Variants in XKRX observed in about 807,000 individuals in gnomAD.
XKRX encodes the protein XK related X-linked.
In XKRX, 11 loss-of-function variants were observed where a neutral mutation model predicts 22.4. The observed-to-expected ratio is 0.49, with a 90% CI of 0.31 to 0.81. The LOEUF (loss-of-function observed/expected upper bound fraction) is 0.81. Among genes scored for constraint, XKRX ranks in the 40% least tolerant of loss-of-function variants. XKRX has a pLI of 0.05. For synonymous variants in XKRX, 114 were observed against 132.2 expected, an observed-to-expected ratio of 0.86 and a Z score of 0.94; for missense variants, 320 against 336.5, an observed-to-expected ratio of 0.95 and a Z score of 0.38.
chrX:100,888,209 T>A, the XKRX span: 191 of 1,001,419 alleles, frequency 1.9e-4, no homozygotes, highest in Non-Finnish European at 2.4e-4. Context: ...CATTTTTCCA[T>A]GCTGTTCAAA....
the XKRX span, among the ~76,000 whole-genome samples, chrX:100,950,825 T>TA: frequency 8.9e-6 from 1 of 112,017 alleles, no homozygotes; most frequent in Non-Finnish European, 1.9e-5. Context: ...AAGGGAAATT[T>TA]AAAAAATATA....
Position 100,914,627 on chromosome X carries a change from C to T in XKRX, c.1061G>A (p.Ser354Asn). 1 of 1,212,099 alleles carries T rather than the reference C, an allele frequency of 8.3e-7. No individual in the cohort carries two copies. The highest frequency in any genetic ancestry group is 1.1e-6 in the Non-Finnish European group (1 of 895,668). ...QNWGHMGLHY[S>N]VRLVENVIMV... ...GATCACATTCTCTACCAACCTCACACTATAGTGCAGGCCCATATGTCCCCA... is the reference window on the plus strand; with the variant it reads ...GATCACATTCTCTACCAACCTCACATTATAGTGCAGGCCCATATGTCCCCA... Residue 354 changes from serine to asparagine, a missense_variant, in exon 3 of 3, where the codon AGT becomes AAT. By Grantham distance (46) the Ser-to-Asn change is conservative. Transcript: ENST00000372956.
the XKRX span, among the ~76,000 whole-genome samples, chrX:100,890,200 A>G: frequency 9.0e-6 from 1 of 111,251 alleles, no homozygotes; most frequent in Non-Finnish European, 1.9e-5. Context: ...AAATGGACCT[A>G]AACTCGTTGT....
the XKRX span, among the ~76,000 whole-genome samples, chrX:100,956,049 C>T: frequency 4.5e-5 from 5 of 111,736 alleles, no homozygotes; most frequent in African/African-American, 1.6e-4. Context: ...AGATCATGTC[C>T]TTTGCAAGGA....
the XKRX span, among the ~76,000 whole-genome samples, chrX:100,894,862 T>C: frequency 0.047 from 5,214 of 111,906 alleles, 301 homozygotes; most frequent in African/African-American, 0.16. Flanking sequence ...AAAAATAAAG[T>C]ATAAGAATTT....
chrX:100,947,904 ATTT>A, the XKRX span, among the ~76,000 whole-genome samples: 1 of 102,455 alleles, frequency 9.8e-6, no homozygotes, highest in Non-Finnish European at 2.0e-5. Context: ...TAATACATGA[ATTT>A]TTTTTTTTTT....
At chrX:100,919,948 C>A (rs1354838382) in intron 2 of XKRX, among the ~76,000 whole-genome samples, 1 of 111,803 alleles carries the variant, frequency 8.9e-6, no homozygotes, top group Non-Finnish European at 1.9e-5. Context: ...AAGATGTTTA[C>A]TGTGGCATAA....
upstream of XKRX, among the ~76,000 whole-genome samples, chrX:100,934,050 G>T (rs1031524212): frequency 5.4e-5 from 6 of 110,870 alleles, no homozygotes; most frequent in African/African-American, 2.0e-4. Flanking sequence ...ACTCCTCGCA[G>T]CACTAGGCAA....
At position 100,928,424 on chromosome X, in the gene XKRX, G is replaced by C; in HGVS notation, c.-120C>G. On this transcript the variant is annotated 5_prime_UTR_variant, in exon 1 of 3. Coordinates refer to ENST00000372956, the MANE Select transcript of XKRX (RefSeq NM_212559.3). ...GGTGAGGAGAGCTCTGTCAAGTCCA[G>C]TTTGGGAACAGAGATTCACTAGTTA... The C allele has an allele frequency of 8.8e-7, 1 of 1,135,917 alleles. No individual in the cohort carries two copies. The highest frequency in any genetic ancestry group is 1.2e-6 in the Non-Finnish European group (1 of 862,333). 93.6% of individuals were successfully genotyped at this position (1,135,917 alleles called of 1,213,427 possible).
chrX:100,888,377 G>A, the XKRX span: 35 of 776,655 alleles, frequency 4.5e-5, no homozygotes, highest in Admixed American at 9.0e-5. Context: ...CCTTGCATTC[G>A]TGGCTGCATC....
chrX:100,914,577 C>T lies in XKRX; in HGVS notation c.1111G>A (p.Gly371Arg), dbSNP rs745641321. The T allele has an allele frequency of 4.1e-6, 5 of 1,211,939 alleles. No homozygotes were observed. Among genetic ancestry groups the T allele is most frequent in the Non-Finnish European group, 5.6e-6 (5 of 895,570 alleles). Residue 371 changes from glycine (G) to arginine (R), a missense_variant, in exon 3 of 3, where the codon GGA (glycine) becomes AGA (arginine). Coordinates refer to ENST00000372956, the MANE Select transcript of XKRX (RefSeq NM_212559.3). ...VIMVLVFKFF[G>R]VKVLLNYCHS... ...CAGTAATTCAGTAACACTTTCACTC[C>T]AAAGAACTTAAAAACCAAGACCATG...
downstream of XKRX, chrX:100,910,605 T>A (rs757998834): frequency 8.6e-4 from 195 of 225,689 alleles, no homozygotes; most frequent in African/African-American, 5.7e-3. Context: ...AAAAAAAAGA[T>A]TTCAGAGAGG....
chrX:100,949,089 G>A, the XKRX span, among the ~76,000 whole-genome samples: 4 of 112,513 alleles, frequency 3.6e-5, no homozygotes, highest in Admixed American at 9.4e-5. Context: ...GACAAGGCCC[G>A]ACAGGGAGCA....
chrX:100,957,234 T>C, the XKRX span: 1 of 978,604 alleles, frequency 1.0e-6, no homozygotes, highest in Non-Finnish European at 1.5e-6. Context: ...TCGATCTGAT[T>C]TCCTGATCAT....
the XKRX span, among the ~76,000 whole-genome samples, chrX:100,945,777 A>G: frequency 2.3e-5 from 2 of 87,569 alleles, no homozygotes; most frequent in Non-Finnish European, 4.4e-5. Flanking sequence ...ACTGCACTCC[A>G]GCCTGGCAAA....
At chrX:100,937,169 T>C in the XKRX span, among the ~76,000 whole-genome samples, 1 of 110,559 alleles carries the variant, frequency 9.0e-6, no homozygotes, top group Non-Finnish European at 1.9e-5. Flanking sequence ...TTTTGTATTT[T>C]TAGTAGAGAC....
chrX:100,904,163 C>G, the XKRX span, among the ~76,000 whole-genome samples: 3 of 111,231 alleles, frequency 2.7e-5, no homozygotes, highest in African/African-American at 6.5e-5. Context: ...TAGAGATAGC[C>G]CAGAAATAGA....
chrX:100,900,935 G>A, the XKRX span, among the ~76,000 whole-genome samples: 21 of 108,546 alleles, frequency 1.9e-4, no homozygotes, highest in South Asian at 4.2e-4. Flanking sequence ...GACTACAGGA[G>A]CCCACCACCA....
chrX:100,887,218 C>T, the XKRX span, among the ~76,000 whole-genome samples: 4 of 111,094 alleles, frequency 3.6e-5, no homozygotes, highest in Non-Finnish European at 7.5e-5. Context: ...CTGGCATCAC[C>T]CTGAAGGAAT....
Sources: gnomAD v4.1 joint callset for allele counts (sites outside exome capture counted in the v4.1 genomes callset) on GRCh38, gnomAD v4.1.1 for gene constraint, MANE v1.5 for transcripts, NCBI Gene and HGNC (gene_info 2026-07-23, HGNC 2026-07-21) for gene names.